Variants in PTPRM observed in about 807,000 individuals in gnomAD.
The protein encoded by PTPRM is protein tyrosine phosphatase receptor type M.
A neutral mutation model predicts 186.7 loss-of-function variants in PTPRM; 47 were observed. The observed-to-expected ratio is 0.25, with a 90% CI of 0.20 to 0.32. PTPRM has a LOEUF of 0.32. PTPRM is among the 10% of genes least tolerant of loss of function. The pLI is 1.00. For missense variants in PTPRM, 1,494 were observed against 1,865.0 expected (o/e 0.80, Z 3.66); for synonymous variants, 668 against 674.9 (o/e 0.99, Z 0.16).
chr18:7,747,173 A>G (rs1045084194), intron 1 of PTPRM, among the ~76,000 whole-genome samples: 3 of 152,104 alleles, frequency 2.0e-5, no homozygotes, highest in Admixed American at 6.5e-5. Context: ...TTGTTTTTTA[A>G]ATGTAACAGT....
intron 7 of PTPRM, among the ~76,000 whole-genome samples, chr18:8,000,848 A>T (rs1187965878): frequency 6.6e-6 from 1 of 152,210 alleles, no homozygotes; most frequent in African/African-American, 2.4e-5. Context: ...GCCAACGTTT[A>T]TGTGCTTTTC....
intron 4 of PTPRM, among the ~76,000 whole-genome samples, chr18:7,909,643 C>A (rs141351985): frequency 8.3e-4 from 126 of 152,218 alleles, no homozygotes; most frequent in African/African-American, 2.9e-3. Flanking sequence ...CCTAAAGGAG[C>A]ATTAATATTT....
chr18:7,641,387 C>T (rs1875813222), intron 1 of PTPRM, among the ~76,000 whole-genome samples: 1 of 152,016 alleles, frequency 6.6e-6, no homozygotes, highest in African/African-American at 2.4e-5. Context: ...GAAAGAGAGA[C>T]AGGAAAGGAC....
In PTPRM at chr18:8,289,467, T is replaced by C. The variant is rs948996800; in HGVS notation, c.2755-6901T>C. Among the ~76,000 whole-genome samples the C allele has an allele frequency of 5.2e-4, 34 of 65,966 alleles. 3 individuals carry two copies. Among genetic ancestry groups the C allele is most frequent in the South Asian group, 1.8e-3 (4 of 2,254 alleles). The allele number at this position is 65,966 out of a possible 152,430, so 43.3% of individuals were successfully genotyped here. On this transcript the variant is annotated intron_variant, in intron 19 of 32. Transcript: ENST00000580170. ...ACGTATATATGTATATACATATATATACACACATATGTATATATATACATA... is the reference window on the plus strand; with the variant it reads ...ACGTATATATGTATATACATATATACACACACATATGTATATATATACATA...
intron 7 of PTPRM, among the ~76,000 whole-genome samples, chr18:8,041,801 A>T (rs563843594): frequency 2.6e-5 from 4 of 152,236 alleles, no homozygotes; most frequent in African/African-American, 4.8e-5. Context: ...ATACTCTTTT[A>T]TCTTTCATTT....
chr18:7,633,190 G>C (rs967660937), intron 1 of PTPRM, among the ~76,000 whole-genome samples: 1 of 152,148 alleles, frequency 6.6e-6, no homozygotes, highest in African/African-American at 2.4e-5. Context: ...CGGCTTTTTA[G>C]TTGTATTAAT....
chr18:8,095,598 G>C (rs1268973746), intron 11 of PTPRM, among the ~76,000 whole-genome samples: 1 of 152,052 alleles, frequency 6.6e-6, no homozygotes, highest in Admixed American at 6.6e-5. Flanking sequence ...AATGGAGGAT[G>C]GGTTAGAGGG....
intron 13 of PTPRM, among the ~76,000 whole-genome samples, chr18:8,136,007 G>GA (rs1209043699): frequency 6.6e-6 from 1 of 152,120 alleles, no homozygotes; most frequent in South Asian, 2.1e-4. Flanking sequence ...TCTCCCACAG[G>GA]AAAAAATGTT....
intron 2 of PTPRM, among the ~76,000 whole-genome samples, chr18:7,870,106 G>A (rs990170667): frequency 6.6e-6 from 1 of 152,184 alleles, no homozygotes; most frequent in African/African-American, 2.4e-5. Context: ...ACAACTGGCT[G>A]CACTATGGTA....
chr18:7,942,010 G>C (rs975772583), intron 5 of PTPRM, among the ~76,000 whole-genome samples: 2 of 152,184 alleles, frequency 1.3e-5, no homozygotes, highest in Admixed American at 1.3e-4. Flanking sequence ...ATATGGCTGG[G>C]TGCGATGGCT....
At chr18:8,252,521 A>AT in intron 18 of PTPRM, 22 bp downstream of exon 18, 1 of 1,541,336 alleles carries the variant, frequency 6.5e-7, no homozygotes, top group Non-Finnish European at 9.0e-7. Context: ...GATTCGCCCC[A>AT]TGGAAGAGTT....
chr18:8,250,384 A>G (rs9304008), intron 17 of PTPRM, among the ~76,000 whole-genome samples: 73,524 of 151,912 alleles, frequency 0.48, 18,839 homozygotes, highest in African/African-American at 0.64. Flanking sequence ...AAAGAATATA[A>G]GTAGAACTAA....
At chr18:8,074,929 T>C (rs116002454) in intron 8 of PTPRM, among the ~76,000 whole-genome samples, 13 of 152,334 alleles carry the variant, frequency 8.5e-5, no homozygotes, top group African/African-American at 3.1e-4. Flanking sequence ...CTTTCATTGC[T>C]TTTGCTTTTG....
At chr18:8,089,637 T>A (rs1201048961) in intron 11 of PTPRM, among the ~76,000 whole-genome samples, 1 of 152,214 alleles carries the variant, frequency 6.6e-6, no homozygotes, top group African/African-American at 2.4e-5. Context: ...TTACTTTGAA[T>A]AGAGTACTTG....
chr18:8,006,968 T>C (rs994017574), intron 7 of PTPRM, among the ~76,000 whole-genome samples: 1 of 152,254 alleles, frequency 6.6e-6, no homozygotes, highest in Non-Finnish European at 1.5e-5. Flanking sequence ...TAATTTCCAT[T>C]TCACTTCTCT....
rs118019763 is a variant in PTPRM at position 7,933,120 on chromosome 18, A to G, written c.663+6437A>G. Among the ~76,000 whole-genome samples, 4 of 152,328 alleles carry G rather than the reference A, an allele frequency of 2.6e-5. No individual in the cohort carries two copies. In the East Asian group the frequency reaches 7.7e-4, roughly 29 times the overall value. On this transcript the variant is annotated intron_variant, in intron 5 of 32. Coordinates refer to ENST00000580170, the MANE Select transcript of PTPRM (RefSeq NM_001105244.2). ...TAAGGAGGTGTCTTGGTTATCAGATAGGCTGTCTCAGGATCACAGTGCTTA... is the reference window on the plus strand; with the variant it reads ...TAAGGAGGTGTCTTGGTTATCAGATGGGCTGTCTCAGGATCACAGTGCTTA...
Position 7,873,499 on chromosome 18 carries a change from G to T in PTPRM, c.197-14607G>T, listed in dbSNP as rs563644515. On this transcript the variant is annotated intron_variant, in intron 2 of 32. Coordinates refer to ENST00000580170, the MANE Select transcript of PTPRM (RefSeq NM_001105244.2). ...TAAAATGACAATACTTCTCTCAATG[G>T]TTACCGAAGGGACCAAATGACATAA... Among the ~76,000 whole-genome samples, 3 of 152,186 alleles carry T rather than the reference G, an allele frequency of 2.0e-5. No individual in the cohort carries two copies. The East Asian group carries it at 5.8e-4, about 29-fold the overall frequency.
At chr18:8,346,419 G>T (rs752449318) in intron 23 of PTPRM, among the ~76,000 whole-genome samples, 1 of 152,174 alleles carries the variant, frequency 6.6e-6, no homozygotes, top group Non-Finnish European at 1.5e-5. Flanking sequence ...CAGAGAGAGC[G>T]CACGCTCTGT....
chr18:7,900,508 T>C (rs1033825536), intron 3 of PTPRM, among the ~76,000 whole-genome samples: 29 of 152,310 alleles, frequency 1.9e-4, no homozygotes, highest in African/African-American at 6.3e-4. Flanking sequence ...AATCTGGATG[T>C]AAAAATTTTA....
Sources: allele counts gnomAD v4.1 joint callset (sites outside exome capture counted in the v4.1 genomes callset), GRCh38; gene constraint gnomAD v4.1.1; transcripts MANE v1.5; gene names NCBI Gene and HGNC (gene_info 2026-07-23, HGNC 2026-07-21).